The following CSMD1 variants were observed in gnomAD, a reference collection of about 807,000 sequenced individuals.
The protein encoded by CSMD1 is CUB and Sushi multiple domains 1, also known as CUB and sushi domain-containing protein 1.
In CSMD1, 213 loss-of-function variants were observed where a neutral mutation model predicts 417.5. The ratio of observed to expected loss-of-function variants is 0.51; its 90% CI spans 0.46 to 0.57. The LOEUF is 0.57. CSMD1 is among the 20% of genes least tolerant of loss of function. The pLI is 0.00. For missense variants in CSMD1, 6,923 were observed against 4,529.7 expected (o/e 1.53, Z -15.17); for synonymous variants, 2,862 against 1,736.8 (o/e 1.65, Z -16.11).
chr8:4,596,128 G>A (rs530824269), intron 2 of CSMD1, among the ~76,000 whole-genome samples: 3 of 152,050 alleles, frequency 2.0e-5, no homozygotes, highest in Non-Finnish European at 2.9e-5. Context: ...TGTAGTTCCA[G>A]TATCTAAAAA....
chr8:3,606,913 T>C (rs1377409097), intron 8 of CSMD1, among the ~76,000 whole-genome samples: 5 of 152,024 alleles, frequency 3.3e-5, no homozygotes, highest in Admixed American at 6.6e-5. Flanking sequence ...GGTTTCACCA[T>C]GTTGGCCAGG....
intron 3 of CSMD1, among the ~76,000 whole-genome samples, chr8:4,254,451 C>G (rs1803304003): frequency 6.6e-6 from 1 of 152,144 alleles, no homozygotes; most frequent in South Asian, 2.1e-4. Context: ...ACAATGATCA[C>G]TAAGCGACAT....
At chr8:4,936,777 A>C (rs1476677483) in intron 1 of CSMD1, among the ~76,000 whole-genome samples, 2 of 152,254 alleles carry the variant, frequency 1.3e-5, no homozygotes, top group Admixed American at 6.5e-5. Flanking sequence ...TGTTGTCCCT[A>C]AAACACACTC....
intron 1 of CSMD1, among the ~76,000 whole-genome samples, chr8:4,759,405 C>G (rs1006582320): frequency 1.3e-5 from 2 of 152,166 alleles, no homozygotes; most frequent in African/African-American, 4.8e-5. Flanking sequence ...ATCTGAGCAT[C>G]TCTGAAAAAA....
At chr8:4,990,654 C>T (rs1811412606) in intron 1 of CSMD1, among the ~76,000 whole-genome samples, 1 of 152,172 alleles carries the variant, frequency 6.6e-6, no homozygotes, top group African/African-American at 2.4e-5. Flanking sequence ...CCACAGCATC[C>T]GGCCCACTTT....
At chr8:2,993,382 C>T (rs369621658) in intron 54 of CSMD1, among the ~76,000 whole-genome samples, 3 of 152,128 alleles carry the variant, frequency 2.0e-5, no homozygotes, top group Non-Finnish European at 2.9e-5. Flanking sequence ...ATCCTGTAAA[C>T]TGCAGCAGAG....
intron 5 of CSMD1, among the ~76,000 whole-genome samples, chr8:3,889,945 G>A (rs1319121977): frequency 6.6e-6 from 1 of 152,154 alleles, no homozygotes; most frequent in South Asian, 2.1e-4. Flanking sequence ...ACGGTTGGAT[G>A]GCTGAGGTGG....
At chr8:4,845,226 G>T (rs1330809067) in intron 1 of CSMD1, among the ~76,000 whole-genome samples, 1 of 152,068 alleles carries the variant, frequency 6.6e-6, no homozygotes, top group Non-Finnish European at 1.5e-5. Context: ...TTTGGTTATT[G>T]TACTGTTCAG....
chr8:3,914,179 T>G (rs1025502287), intron 5 of CSMD1, among the ~76,000 whole-genome samples: 2 of 152,138 alleles, frequency 1.3e-5, no homozygotes, highest in Admixed American at 6.5e-5. Flanking sequence ...CAAGAAAAAG[T>G]ACTTTTAACC....
rs73658420 is a variant in CSMD1 at position 4,169,534 on chromosome 8, C to A, written c.416-137435G>T. On this transcript the variant is annotated intron_variant, in intron 3 of 69. Transcript: ENST00000635120. ...ATTTTCTCTCCTCCAGATGAAATGGCAGCCTCCAAACTCATGTTACTTTTC... is the reference window on the plus strand; with the variant it reads ...ATTTTCTCTCCTCCAGATGAAATGGAAGCCTCCAAACTCATGTTACTTTTC... Among the ~76,000 whole-genome samples the A allele has an allele frequency of 7.8e-3, 1,192 of 152,262 alleles. 20 individuals carry two copies. Among genetic ancestry groups the A allele is most frequent in the African/African-American group, 0.028 (1,154 of 41,522 alleles).
chr8:3,937,081 C>G (rs1025334812), intron 5 of CSMD1, among the ~76,000 whole-genome samples: 1 of 152,146 alleles, frequency 6.6e-6, no homozygotes, highest in East Asian at 1.9e-4. Context: ...AGAAGTAGAA[C>G]TGAATTGCTG....
chr8:4,095,882 A>C (rs186309045), intron 3 of CSMD1, among the ~76,000 whole-genome samples: 233 of 152,340 alleles, frequency 1.5e-3, no homozygotes, highest in Non-Finnish European at 2.7e-3. Flanking sequence ...TATCAATGTT[A>C]AGAGTAGAAA....
chr8:4,496,247 A>C (rs966324448), intron 2 of CSMD1, among the ~76,000 whole-genome samples: 4 of 152,210 alleles, frequency 2.6e-5, no homozygotes, highest in African/African-American at 7.2e-5. Context: ...GAGTTTTGCT[A>C]TCTGTGCACC....
intron 1 of CSMD1, among the ~76,000 whole-genome samples, chr8:4,753,836 G>T (rs943598139): frequency 9.2e-5 from 14 of 151,968 alleles, no homozygotes; most frequent in African/African-American, 3.1e-4. Context: ...TTATTATTTC[G>T]CACTGTGATA....
At chr8:4,181,544 A>T (rs540207275) in intron 3 of CSMD1, among the ~76,000 whole-genome samples, 1 of 152,264 alleles carries the variant, frequency 6.6e-6, no homozygotes, top group East Asian at 1.9e-4. Context: ...AAAGTTTATG[A>T]ATTTGTGTTT....
chr8:4,010,209 C>T (rs1816438587), intron 4 of CSMD1, among the ~76,000 whole-genome samples: 1 of 152,086 alleles, frequency 6.6e-6, no homozygotes, highest in Admixed American at 6.5e-5. Flanking sequence ...GCAGACTGTG[C>T]CCACCCACAT....
intron 5 of CSMD1, among the ~76,000 whole-genome samples, chr8:3,937,248 G>C (rs1373335928): frequency 6.6e-6 from 1 of 151,998 alleles, no homozygotes. Context: ...AGTTAATAAA[G>C]CAGCAGCAGG....
Position 3,743,422 on chromosome 8 carries a change from G to T in CSMD1, c.931+10508C>A, listed in dbSNP as rs181715332. On this transcript the variant is annotated intron_variant, in intron 6 of 69. Transcript: ENST00000635120. The stretch of plus-strand genomic sequence containing the variant: ...TGGAATAGTGTGACATTAGGATGGT[G>T]TTAGAAAATAATAAGTATTATGTGG... Among the ~76,000 whole-genome samples the T allele has an allele frequency of 4.2e-3, 637 of 152,330 alleles. 2 individuals carry two copies. Among genetic ancestry groups the T allele is most frequent in the Non-Finnish European group, 6.8e-3 (461 of 68,038 alleles).
At chr8:4,642,252 C>G (rs912596439) in intron 1 of CSMD1, among the ~76,000 whole-genome samples, 1 of 152,162 alleles carries the variant, frequency 6.6e-6, no homozygotes, top group Non-Finnish European at 1.5e-5. Context: ...AAAACACATT[C>G]CAGTAAAGGC....
Sources: allele counts gnomAD v4.1 joint callset (sites outside exome capture counted in the v4.1 genomes callset), GRCh38; gene constraint gnomAD v4.1.1; transcripts MANE v1.5; gene names NCBI Gene and HGNC (gene_info 2026-07-23, HGNC 2026-07-21).